SCYL3: variants seen among roughly 807,000 people sequenced by gnomAD.
The protein encoded by SCYL3 is protein-associating with the carboxyl-terminal domain of ezrin.
SCYL3 carries 35 observed loss-of-function variants against 73.8 expected under a neutral mutation model. The observed-to-expected ratio is 0.47, with a 90% confidence interval of 0.36 to 0.63. The LOEUF is 0.63. Ranked by LOEUF, SCYL3 falls within the 20% of genes least tolerant of loss-of-function variation. The probability of loss-of-function intolerance (pLI) is 0.00; values close to 1 mark genes in which losing one functional copy is unlikely to be tolerated. For synonymous variants in SCYL3, 277 were observed against 295.2 expected (o/e 0.94, Z 0.63); for missense variants, 712 against 798.9 (o/e 0.89, Z 1.31).
Position 169,850,542 on chromosome 1 carries a change from A to G in SCYL3, c.*3171T>C. ...GCCAGGCGCGGCGGCTCATGCCTGT[A>G]ATCCCAGCACTTTGGGAGGCCAAGG... On this transcript the variant is annotated 3_prime_UTR_variant, in exon 13 of 13. Coordinates refer to ENST00000367771, the MANE Select transcript of SCYL3 (RefSeq NM_020423.7). The G allele has an allele frequency of 2.1e-6, 1 of 473,306 alleles. No individual in the cohort carries two copies. Among genetic ancestry groups the G allele is most frequent in the East Asian group, 3.6e-5 (1 of 28,020 alleles). 29.3% of individuals were successfully genotyped at this position (473,306 alleles called of 1,614,324 possible).
In SCYL3 at chr1:169,854,978, A is replaced by T. The variant is rs764657476; in HGVS notation, c.1313-14T>A. On this transcript the variant is annotated splice_polypyrimidine_tract_variant and intron_variant, in intron 11 of 12. Coordinates refer to ENST00000367771, the MANE Select transcript of SCYL3 (RefSeq NM_020423.7). ...AAAATGGATCGCCTGTAGGGAAAAT[A>T]ATTATTCTCATAAAATACTGGTTAA... 1.2e-5 allele frequency: 18 copies of T among 1,540,072 alleles called. No homozygotes were observed. Among genetic ancestry groups the T allele is most frequent in the Non-Finnish European group, 1.4e-5 (16 of 1,131,322 alleles).
chr1:169,865,860 C>A (rs1007482401), intron 8 of SCYL3, among the ~76,000 whole-genome samples: 1 of 152,152 alleles, frequency 6.6e-6, no homozygotes, highest in Non-Finnish European at 1.5e-5. Flanking sequence ...TCTCCTCTAA[C>A]CCCTGCTTCT....
chr1:169,893,738 A>G (rs1662257011), intron 1 of SCYL3, 50 bp downstream of exon 1: 1 of 151,220 alleles, frequency 6.6e-6, no homozygotes, highest in Non-Finnish European at 1.5e-5. Context: ...CCCTTCCCCC[A>G]CGGCGCAGTC....
At chr1:169,867,559 C>T (rs1660121103) in intron 7 of SCYL3, among the ~76,000 whole-genome samples, 1 of 152,178 alleles carries the variant, frequency 6.6e-6, no homozygotes, top group Non-Finnish European at 1.5e-5. Flanking sequence ...CCCAGATGCT[C>T]CGGCATACAA....
At chr1:169,889,455 G>A (rs982129433) in intron 1 of SCYL3, among the ~76,000 whole-genome samples, 1 of 151,944 alleles carries the variant, frequency 6.6e-6, no homozygotes, top group African/African-American at 2.4e-5. Context: ...ACAATAATGG[G>A]AAAGAAAACA....
chr1:169,879,378 G>A (rs868185371), intron 2 of SCYL3, among the ~76,000 whole-genome samples: 1 of 152,220 alleles, frequency 6.6e-6, no homozygotes, highest in African/African-American at 2.4e-5. Flanking sequence ...GGGTATCCCA[G>A]AGAGGAGAGA....
chr1:169,867,817 A>G (rs1344665018), intron 7 of SCYL3, among the ~76,000 whole-genome samples: 1 of 152,146 alleles, frequency 6.6e-6, no homozygotes, highest in East Asian at 1.9e-4. Flanking sequence ...GTGTGTTTTC[A>G]GTTTTCCTCT....
At chr1:169,864,143 T>C (rs759555070) in intron 9 of SCYL3, among the ~76,000 whole-genome samples, 2 of 152,174 alleles carry the variant, frequency 1.3e-5, no homozygotes, top group Non-Finnish European at 2.9e-5. Flanking sequence ...TAGTCAGATA[T>C]AACACTTACT....
chr1:169,853,344 T>G lies in SCYL3; in HGVS notation c.*369A>C, dbSNP rs182755716. The G allele has an allele frequency of 2.6e-4, 82 of 315,456 alleles. No individual in the cohort carries two copies. In the East Asian group the frequency reaches 4.9e-3, roughly 19 times the overall value. The allele number at this position is 315,456 out of a possible 1,614,324, so 19.5% of individuals were successfully genotyped here. ...TATTTCATAATAGAGCTTACTCTTATGTTAAAGAATGGCACAAAATTAAGC... is the reference window on the plus strand; with the variant it reads ...TATTTCATAATAGAGCTTACTCTTAGGTTAAAGAATGGCACAAAATTAAGC... On this transcript the variant is annotated 3_prime_UTR_variant, in exon 13 of 13. Coordinates refer to ENST00000367771, the MANE Select transcript of SCYL3 (RefSeq NM_020423.7).
chr1:169,888,146 A>G (rs1264194515), intron 2 of SCYL3, among the ~76,000 whole-genome samples: 2 of 152,222 alleles, frequency 1.3e-5, no homozygotes, highest in African/African-American at 4.8e-5. Context: ...ACTTGGGGTT[A>G]TTTTATTGAC....
intron 3 of SCYL3, among the ~76,000 whole-genome samples, chr1:169,877,375 C>T (rs1234487146): frequency 6.6e-6 from 1 of 152,140 alleles, no homozygotes; most frequent in Admixed American, 6.5e-5. Context: ...CCAGGCTGGT[C>T]TCAAACTCCT....
chr1:169,893,909 C>T (rs1662275070), upstream of SCYL3: 1 of 152,570 alleles, frequency 6.6e-6, no homozygotes, highest in Non-Finnish European at 1.5e-5. Context: ...CCACAATCTT[C>T]TGGGGGCCGG....
intron 2 of SCYL3, 21 bp from the exon 3 acceptor site, chr1:169,878,840 G>A (rs756878233): frequency 6.3e-7 from 1 of 1,592,294 alleles, no homozygotes; most frequent in African/African-American, 1.4e-5. Context: ...ACAAACCGAA[G>A]AGCTGAAGTT....
At chr1:169,892,880 T>C (rs987916135) in intron 1 of SCYL3, among the ~76,000 whole-genome samples, 3 of 152,242 alleles carry the variant, frequency 2.0e-5, no homozygotes, top group Non-Finnish European at 4.4e-5. Context: ...ACCTTGGTCC[T>C]AGCTCCCTTA....
chr1:169,893,686 C>T (rs1662249791), intron 1 of SCYL3, 102 bp downstream of exon 1: 1 of 151,294 alleles, frequency 6.6e-6, no homozygotes, highest in Non-Finnish European at 1.5e-5. Context: ...GAGCGCAGAC[C>T]CGCGAGCGGG....
At chr1:169,877,217 GT>G (rs1660912050) in intron 3 of SCYL3, among the ~76,000 whole-genome samples, 1 of 152,172 alleles carries the variant, frequency 6.6e-6, no homozygotes, top group Non-Finnish European at 1.5e-5. Flanking sequence ...GTACAGTGGT[GT>G]GATCACAGCT....
chr1:169,886,673 T>C (rs895724490), intron 2 of SCYL3, among the ~76,000 whole-genome samples: 1 of 152,216 alleles, frequency 6.6e-6, no homozygotes, highest in East Asian at 1.9e-4. Flanking sequence ...TTAGAATTTA[T>C]CACTGTTTAT....
chr1:169,873,437 C>T lies in SCYL3; in HGVS notation c.522+259G>A, dbSNP rs532400259. Among the ~76,000 whole-genome samples the T allele has an allele frequency of 2.6e-5, 4 of 152,244 alleles. No homozygotes were observed. In the East Asian group the frequency reaches 7.7e-4, roughly 29 times the overall value. On this transcript the variant is annotated intron_variant, in intron 5 of 12. Transcript: ENST00000367771. ...AAAACAGACTAATACAACTACTTAT[C>T]GTGAAATGGGTATAATTGTCTGTTC...
chr1:169,883,517 C>A (rs1369589798), intron 2 of SCYL3, among the ~76,000 whole-genome samples: 1 of 152,132 alleles, frequency 6.6e-6, no homozygotes, highest in Non-Finnish European at 1.5e-5. Context: ...TGGAAGATAA[C>A]CCTCAATATA....
Sources: gnomAD v4.1 joint callset for allele counts (sites outside exome capture counted in the v4.1 genomes callset) on GRCh38, gnomAD v4.1.1 for gene constraint, MANE v1.5 for transcripts, NCBI Gene and HGNC (gene_info 2026-07-23, HGNC 2026-07-21) for gene names.